The following SLC9B2 variants were observed in gnomAD, a reference collection of about 807,000 sequenced individuals.
SLC9B2 encodes the protein solute carrier family 9 member B2.
In SLC9B2, 39 loss-of-function variants were observed where a neutral mutation model predicts 52.2. The ratio of observed to expected loss-of-function variants is 0.75; its 90% CI spans 0.58 to 0.98. The LOEUF (loss-of-function observed/expected upper bound fraction) is 0.98. SLC9B2 is among the 50% of genes least tolerant of loss of function. SLC9B2 has a pLI of 0.00. For synonymous variants in SLC9B2, 214 were observed against 227.0 expected, an observed-to-expected ratio of 0.94 and a Z score of 0.51; for missense variants, 626 against 637.5, an observed-to-expected ratio of 0.98 and a Z score of 0.19.
chr4:103,019,495 G>T, downstream of SLC9B2: 2 of 762,228 alleles, frequency 2.6e-6, no homozygotes, highest in Non-Finnish European at 3.2e-6. Context: ...AACTGAGGGG[G>T]AGGAAAGGCC....
chr4:103,057,997 A>C (rs1289965648), intron 3 of SLC9B2, 26 bp from the exon 4 acceptor site: 13 of 1,583,930 alleles, frequency 8.2e-6, no homozygotes, highest in Admixed American at 2.0e-5. Flanking sequence ...AATACTAGTT[A>C]CTATCAATAA....
chr4:103,071,331 G>A (rs896363354), intron 1 of SLC9B2, among the ~76,000 whole-genome samples: 4 of 150,610 alleles, frequency 2.7e-5, no homozygotes, highest in African/African-American at 9.8e-5. Context: ...GGCCTCCCAA[G>A]TAGCTAGGAC....
At chr4:103,029,623 G>A (rs1007812651) in intron 10 of SLC9B2, among the ~76,000 whole-genome samples, 2 of 152,108 alleles carry the variant, frequency 1.3e-5, no homozygotes, top group Admixed American at 6.6e-5. Context: ...ATTCTTTGCT[G>A]ATAAAGACAA....
At chr4:103,061,628 G>A (rs535584845) in intron 3 of SLC9B2, among the ~76,000 whole-genome samples, 7 of 151,932 alleles carry the variant, frequency 4.6e-5, no homozygotes, top group South Asian at 2.1e-4. Context: ...CCTGGACGTC[G>A]TGCACATGTA....
In SLC9B2 at chr4:103,043,379, C is replaced by T. The variant is rs770017059; in HGVS notation, c.1063G>A (p.Val355Met). The change falls in exon 9 of 12, where the codon GTG becomes ATG. Residue 355 changes from valine to methionine, a missense_variant. Val to Met is a conservative substitution (Grantham distance 21). Coordinates refer to ENST00000394785, the MANE Select transcript of SLC9B2 (RefSeq NM_178833.7). ...CCTGATCCAGGGAAACCAAAATGCA[C>T]ACTGCTGAACACAGCTAGCACAGAC... is the stretch of plus-strand genomic sequence containing the variant. ...GLSVLAVFSS[V>M]HFGFPGSGGL... 13 of 1,613,866 alleles carry T rather than the reference C, an allele frequency of 8.1e-6. No individual in the cohort carries two copies. Among genetic ancestry groups the T allele is most frequent in the Non-Finnish European group, 1.1e-5 (13 of 1,179,904 alleles).
At chr4:103,021,865 G>A (rs1378244642), downstream of SLC9B2, among the ~76,000 whole-genome samples, 1 of 152,080 alleles carries the variant, frequency 6.6e-6, no homozygotes, top group Non-Finnish European at 1.5e-5. Context: ...TCCCACACTA[G>A]TTGTTCCCAT....
chr4:103,040,121 T>C (rs1364900615), intron 9 of SLC9B2, among the ~76,000 whole-genome samples: 1 of 152,128 alleles, frequency 6.6e-6, no homozygotes, highest in African/African-American at 2.4e-5. Flanking sequence ...AACAAAGAGC[T>C]CTTCAAAAAA....
intron 3 of SLC9B2, among the ~76,000 whole-genome samples, chr4:103,062,582 AT>A (rs1233375921): frequency 6.6e-6 from 1 of 152,192 alleles, no homozygotes; most frequent in Non-Finnish European, 1.5e-5. Context: ...CTCATTTACG[AT>A]TATGGAAAAC....
chr4:103,070,944 A>T (rs1225779974), intron 1 of SLC9B2, among the ~76,000 whole-genome samples: 1 of 152,160 alleles, frequency 6.6e-6, no homozygotes, highest in Non-Finnish European at 1.5e-5. Context: ...GCAAGACTGT[A>T]TAAAAAAAGA....
intron 9 of SLC9B2, among the ~76,000 whole-genome samples, chr4:103,034,354 T>C (rs542695559): frequency 9.6e-4 from 146 of 152,174 alleles, no homozygotes; most frequent in African/African-American, 3.4e-3. Context: ...ACAAAGCCCC[T>C]AGAAGATCTA....
chr4:103,039,269 A>C (rs1185165254), intron 9 of SLC9B2, among the ~76,000 whole-genome samples: 1 of 152,166 alleles, frequency 6.6e-6, no homozygotes, highest in Non-Finnish European at 1.5e-5. Context: ...AAGAGTTATT[A>C]TTTACTGAAT....
intron 9 of SLC9B2, among the ~76,000 whole-genome samples, chr4:103,038,828 A>C (rs1743392404): frequency 6.6e-6 from 1 of 152,222 alleles, no homozygotes; most frequent in South Asian, 2.1e-4. Context: ...TTGACAACAG[A>C]CAAAAAAAGA....
In SLC9B2 at chr4:103,047,203, G is replaced by A; in HGVS notation, c.737C>T (p.Pro246Leu). Residue 246 changes from proline (P) to leucine (L), a missense_variant, in exon 7 of 12, where the codon CCA becomes CTA. Coordinates refer to ENST00000394785, the MANE Select transcript of SLC9B2 (RefSeq NM_178833.7). The part of the protein sequence containing the change: ...ILGFVLGAVS[P>L]AVVVPSMLLL... ...GAGCATTGAAGGCACCACAACAGCT[G>A]GAGATACAGCACCTAAAACAAAACT... The A allele has an allele frequency of 6.2e-7, 1 of 1,613,282 alleles. No homozygotes were observed.
chr4:103,060,376 T>G (rs1021456039), intron 3 of SLC9B2, among the ~76,000 whole-genome samples: 1 of 151,920 alleles, frequency 6.6e-6, no homozygotes. Context: ...GAAGTTCAAG[T>G]TGGTTCTTCT....
chr4:103,040,586 C>CT lies in SLC9B2; in HGVS notation c.1146+2709dup, dbSNP rs1260895942. On this transcript the variant is annotated intron_variant, in intron 9 of 11. Transcript: ENST00000394785. ...CAGGGTAATCAAGACTGTGTCATCA[C>CT]TTATATAGATGTGTGTATTGGGGGT... 2.0e-5 allele frequency among the ~76,000 whole-genome samples: 3 copies of CT among 152,254 alleles called. No individual in the cohort carries two copies. In the South Asian group the frequency reaches 6.2e-4, roughly 32 times the overall value.
downstream of SLC9B2, among the ~76,000 whole-genome samples, chr4:103,018,181 GA>G (rs1237295256): frequency 1.3e-5 from 2 of 152,174 alleles, no homozygotes; most frequent in Non-Finnish European, 2.9e-5. Context: ...AGTACAAAAT[GA>G]GAAGTACTAT....
At chr4:103,045,509 T>G (rs1273454970) in intron 7 of SLC9B2, among the ~76,000 whole-genome samples, 2 of 151,506 alleles carry the variant, frequency 1.3e-5, no homozygotes, top group Admixed American at 1.3e-4. Flanking sequence ...GTCTCTGGTA[T>G]ATTGAGGTGA....
At chr4:103,066,786 G>A (rs893970693) in intron 2 of SLC9B2, among the ~76,000 whole-genome samples, 3 of 152,072 alleles carry the variant, frequency 2.0e-5, no homozygotes, top group African/African-American at 7.2e-5. Flanking sequence ...TTTGAGCACT[G>A]ACATGACACA....
intron 9 of SLC9B2, among the ~76,000 whole-genome samples, chr4:103,033,360 C>A (rs964217265): frequency 3.3e-5 from 5 of 152,074 alleles, no homozygotes; most frequent in Admixed American, 6.5e-5. Context: ...CTTTTGAGAA[C>A]CAGAATAAGA....
Sources: allele counts gnomAD v4.1 joint callset (sites outside exome capture counted in the v4.1 genomes callset), GRCh38; gene constraint gnomAD v4.1.1; transcripts MANE v1.5; gene names NCBI Gene and HGNC (gene_info 2026-07-23, HGNC 2026-07-21).